The following EBF1 variants were observed in gnomAD, a reference collection of about 807,000 sequenced individuals.
EBF1 encodes the protein EBF transcription factor 1.
In EBF1, 10 loss-of-function variants were observed where a neutral mutation model predicts 68.4. The ratio of observed to expected loss-of-function variants is 0.15; its 90% CI spans 0.09 to 0.25. The LOEUF is 0.25. Among genes scored for constraint, EBF1 ranks in the 10% least tolerant of loss-of-function variants. EBF1 has a pLI of 1.00. For missense variants in EBF1, 509 were observed against 794.4 expected, an observed-to-expected ratio of 0.64 and a Z score of 4.32; for synonymous variants, 298 against 299.8, an observed-to-expected ratio of 0.99 and a Z score of 0.06.
intron 6 of EBF1, among the ~76,000 whole-genome samples, chr5:158,922,733 AT>A (rs1266988885): frequency 1.3e-5 from 2 of 152,190 alleles, no homozygotes; most frequent in African/African-American, 4.8e-5. Context: ...TGTGTGTCTT[AT>A]GTTTAATGTG....
At chr5:158,822,339 T>A (rs1169359411) in intron 8 of EBF1, among the ~76,000 whole-genome samples, 1 of 151,980 alleles carries the variant, frequency 6.6e-6, no homozygotes, top group Non-Finnish European at 1.5e-5. Flanking sequence ...GATAGATAGA[T>A]GAACGGATGG....
At chr5:158,940,801 C>A (rs1813178648) in intron 6 of EBF1, among the ~76,000 whole-genome samples, 1 of 126,096 alleles carries the variant, frequency 7.9e-6, no homozygotes, top group South Asian at 3.0e-4. Flanking sequence ...GGAGGATGGA[C>A]TCCAATGGAA....
chr5:158,777,234 G>T (rs1775477849), intron 10 of EBF1, among the ~76,000 whole-genome samples, 179 bp downstream of exon 10: 1 of 152,096 alleles, frequency 6.6e-6, no homozygotes. Flanking sequence ...ACACCTAGAA[G>T]AATTCTTAAT....
rs1379037279 is a variant in EBF1 at position 159,083,473 on chromosome 5, A to G, written c.485+1193T>C. 2.0e-5 allele frequency among the ~76,000 whole-genome samples: 3 copies of G among 152,366 alleles called. No homozygotes were observed. In the East Asian group the frequency reaches 5.8e-4, roughly 29 times the overall value. On this transcript the variant is annotated intron_variant, in intron 5 of 15. Transcript: ENST00000313708. ...CAAGTTTTACAAATCACTGAAATGA[A>G]AACTTGTGAAACTCCTATATATTTT...
intron 6 of EBF1, among the ~76,000 whole-genome samples, chr5:158,856,099 T>C (rs535567212): frequency 6.6e-6 from 1 of 152,224 alleles, no homozygotes; most frequent in Non-Finnish European, 1.5e-5. Context: ...ACAACAGAGA[T>C]CCTTAATTCT....
At chr5:158,729,996 C>G (rs1175087137) in intron 11 of EBF1, among the ~76,000 whole-genome samples, 1 of 152,212 alleles carries the variant, frequency 6.6e-6, no homozygotes, top group East Asian at 1.9e-4. Flanking sequence ...TGATGACGAA[C>G]TGATACTCCA....
At chr5:158,818,085 C>G (rs1360704847) in intron 8 of EBF1, among the ~76,000 whole-genome samples, 1 of 152,148 alleles carries the variant, frequency 6.6e-6, no homozygotes, top group Non-Finnish European at 1.5e-5. Context: ...AGGACCCCAC[C>G]TGGCTCTCAC....
chr5:158,892,264 G>A (rs952996050), intron 6 of EBF1, among the ~76,000 whole-genome samples: 10 of 152,072 alleles, frequency 6.6e-5, no homozygotes, highest in Non-Finnish European at 8.8e-5. Flanking sequence ...TGAGGCAGGC[G>A]GATCACTTGA....
intron 7 of EBF1, among the ~76,000 whole-genome samples, chr5:158,827,419 T>C (rs1286286112): frequency 1.3e-5 from 2 of 152,238 alleles, no homozygotes; most frequent in Admixed American, 1.3e-4. Context: ...AGACCCTATC[T>C]GTATCTTAGC....
chr5:158,794,147 G>C (rs1167910931), intron 9 of EBF1, among the ~76,000 whole-genome samples: 1 of 152,118 alleles, frequency 6.6e-6, no homozygotes, highest in South Asian at 2.1e-4. Context: ...ACGAAAGCAG[G>C]GGCTGGACAA....
In EBF1 at chr5:158,703,950, G is replaced by A. The variant is rs555324980; in HGVS notation, c.1744+4029C>T. 2.6e-5 allele frequency among the ~76,000 whole-genome samples: 4 copies of A among 152,314 alleles called. No homozygotes were observed. The South Asian group carries it at 8.3e-4, about 32-fold the overall frequency. On this transcript the variant is annotated intron_variant, in intron 15 of 15. Coordinates refer to ENST00000313708, the MANE Select transcript of EBF1 (RefSeq NM_024007.5). ...TTGGTGTCATGTCTCCCCTAATACAGGGAAAGATTTTGAGGGCAGGATTTT... is the reference window on the plus strand; with the variant it reads ...TTGGTGTCATGTCTCCCCTAATACAAGGAAAGATTTTGAGGGCAGGATTTT...
chr5:159,078,514 T>G (rs770129429), intron 5 of EBF1, among the ~76,000 whole-genome samples: 1 of 152,214 alleles, frequency 6.6e-6, no homozygotes, highest in African/African-American at 2.4e-5. Flanking sequence ...AAAGCACTAT[T>G]TTTTAGGCTC....
At chr5:159,000,413 ACTGT>A (rs1275846264) in intron 6 of EBF1, among the ~76,000 whole-genome samples, 5 of 152,186 alleles carry the variant, frequency 3.3e-5, no homozygotes, top group Non-Finnish European at 7.3e-5. Flanking sequence ...CATTTGTGCA[ACTGT>A]CTGAGTTGCA....
At chr5:158,816,987 A>G (rs1452391187) in intron 8 of EBF1, among the ~76,000 whole-genome samples, 1 of 152,132 alleles carries the variant, frequency 6.6e-6, no homozygotes, top group Non-Finnish European at 1.5e-5. Context: ...CTTTCACCGG[A>G]TCTGAGGAGC....
At chr5:158,982,171 G>A (rs183884415) in intron 6 of EBF1, among the ~76,000 whole-genome samples, 3 of 152,334 alleles carry the variant, frequency 2.0e-5, no homozygotes, top group African/African-American at 7.2e-5. Context: ...TTTTAAACAT[G>A]CCTAAAAATA....
chr5:158,810,629 T>C (rs760235060), intron 8 of EBF1, among the ~76,000 whole-genome samples: 3 of 152,188 alleles, frequency 2.0e-5, no homozygotes, highest in Non-Finnish European at 4.4e-5. Flanking sequence ...GGTATCCTGC[T>C]GATTGCAACT....
At chr5:159,017,588 A>G (rs1765870020) in intron 6 of EBF1, among the ~76,000 whole-genome samples, 1 of 152,192 alleles carries the variant, frequency 6.6e-6, no homozygotes, top group Non-Finnish European at 1.5e-5. Context: ...CATCAAAACT[A>G]TTGGCTTGTT....
intron 6 of EBF1, among the ~76,000 whole-genome samples, chr5:158,959,423 C>G (rs570174712): frequency 6.6e-6 from 1 of 151,822 alleles, no homozygotes; most frequent in African/African-American, 2.4e-5. Flanking sequence ...TCCTGAGTAG[C>G]TGGGATTACA....
chr5:158,961,876 GA>G (rs1384910042), intron 6 of EBF1, among the ~76,000 whole-genome samples: 2 of 152,118 alleles, frequency 1.3e-5, no homozygotes, highest in Non-Finnish European at 1.5e-5. Flanking sequence ...TAGGAAGAGA[GA>G]AAAATGAAAT....
Sources: allele counts gnomAD v4.1 joint callset (sites outside exome capture counted in the v4.1 genomes callset), GRCh38; gene constraint gnomAD v4.1.1; transcripts MANE v1.5; gene names NCBI Gene and HGNC (gene_info 2026-07-23, HGNC 2026-07-21).